Variants in TERB2 observed in about 807,000 individuals in gnomAD.
TERB2 encodes telomere repeat binding bouquet formation protein 2.
Under a neutral mutation model 29.8 loss-of-function variants are expected in TERB2, and 26 were observed. The observed-to-expected ratio is 0.87, with a 90% CI of 0.64 to 1.21. TERB2 has a LOEUF of 1.21. TERB2 is among the 50% of genes most tolerant of loss of function. The probability of loss-of-function intolerance (pLI) is 0.00; values close to 1 mark genes in which losing one functional copy is unlikely to be tolerated. For synonymous variants in TERB2, 80 were observed against 90.8 expected (o/e 0.88, Z 0.68); for missense variants, 240 against 268.6 (o/e 0.89, Z 0.74).
At chr15:44,968,186 T>C (rs1891915028) in intron 5 of TERB2, among the ~76,000 whole-genome samples, 1 of 150,640 alleles carries the variant, frequency 6.6e-6, no homozygotes, top group Non-Finnish European at 1.5e-5. Context: ...AATCCTAATT[T>C]CTCCCAAATC....
chr15:44,968,178 T>C (rs1459950734), intron 5 of TERB2, among the ~76,000 whole-genome samples: 1 of 150,170 alleles, frequency 6.7e-6, no homozygotes, highest in Non-Finnish European at 1.5e-5. Context: ...TAGTATAAAA[T>C]CCTAATTTCT....
At chr15:44,965,172 AAAAAAAAAAAAAAAAAGAAAAGG>A (rs1324714216) in intron 4 of TERB2, among the ~76,000 whole-genome samples, 1 of 144,534 alleles carries the variant, frequency 6.9e-6, no homozygotes, top group African/African-American at 2.6e-5. Flanking sequence ...CAAAAAAAAA[AAAAAAAAAAAAAAAAAGAAAAGG>A]AAAAAAAAGA....
intron 5 of TERB2, among the ~76,000 whole-genome samples, chr15:44,968,584 CTTTTTTTTTT>C (rs34188520): frequency 1.0e-4 from 10 of 98,488 alleles, no homozygotes; most frequent in African/African-American, 2.2e-4. Context: ...TTTGTTTAAC[CTTTTTTTTTT>C]TTTTTTTTTT....
At position 44,972,887 on chromosome 15, in the gene TERB2, G is replaced by T. The variant is rs974018807; in HGVS notation, c.435-980G>T. ...TAATTGTATAATTAGAACATCAATT[G>T]TTTTTTTTTTTTTGAGGTGGAGTCT... On this transcript the variant is annotated intron_variant, in intron 5 of 6. Transcript: ENST00000340827. Among the ~76,000 whole-genome samples, 15 of 141,198 alleles carry T rather than the reference G, an allele frequency of 1.1e-4. No homozygotes were observed. In the East Asian group the frequency reaches 1.9e-3, roughly 17 times the overall value. 92.6% of individuals were successfully genotyped at this position (141,198 alleles called of 152,430 possible). A position where few individuals can be genotyped will look rare whatever the true frequency, so the allele number is the denominator to read the frequency against.
chr15:44,966,837 G>A (rs1192315376), intron 5 of TERB2, among the ~76,000 whole-genome samples: 1 of 152,190 alleles, frequency 6.6e-6, no homozygotes, highest in Admixed American at 6.5e-5. Context: ...TGTGCCGCAT[G>A]CTTGTAATCT....
chr15:44,972,051 G>A (rs1313807283), intron 5 of TERB2, among the ~76,000 whole-genome samples: 5 of 144,180 alleles, frequency 3.5e-5, no homozygotes, highest in Admixed American at 2.9e-4. Flanking sequence ...GTGCAATGGC[G>A]CGATCTTGGC....
chr15:44,956,806 G>A (rs779817537), intron 1 of TERB2, 24 bp downstream of exon 1: 8 of 1,613,546 alleles, frequency 5.0e-6, no homozygotes, highest in South Asian at 4.4e-5. Flanking sequence ...TGGAAGCAGC[G>A]GGTTAGGTGG....
chr15:44,977,714 T>C (rs1468174921), intron 6 of TERB2, among the ~76,000 whole-genome samples: 1 of 152,344 alleles, frequency 6.6e-6, no homozygotes, highest in East Asian at 1.9e-4. Flanking sequence ...CCTGTTGATC[T>C]TGATGGTATG....
intron 3 of TERB2, among the ~76,000 whole-genome samples, chr15:44,959,827 G>C (rs1891774428): frequency 6.6e-6 from 1 of 152,186 alleles, no homozygotes; most frequent in Non-Finnish European, 1.5e-5. Context: ...CAGAAAGACA[G>C]ATTAAAGCTG....
At chr15:44,972,688 G>A (rs1317938717) in intron 5 of TERB2, among the ~76,000 whole-genome samples, 3 of 151,278 alleles carry the variant, frequency 2.0e-5, no homozygotes, top group Non-Finnish European at 2.9e-5. Flanking sequence ...GCTAATTTTT[G>A]TATTTTTAGT....
At chr15:44,964,943 C>T (rs1370761555) in intron 4 of TERB2, among the ~76,000 whole-genome samples, 2 of 151,754 alleles carry the variant, frequency 1.3e-5, no homozygotes, top group African/African-American at 4.8e-5. Flanking sequence ...GGGCCGATTG[C>T]CTGAGCTTGG....
At chr15:44,968,767 T>G (rs1410674120) in intron 5 of TERB2, among the ~76,000 whole-genome samples, 1 of 151,780 alleles carries the variant, frequency 6.6e-6, no homozygotes, top group Non-Finnish European at 1.5e-5. Context: ...ACACCTGGCC[T>G]AGAATTTGTT....
intron 5 of TERB2, among the ~76,000 whole-genome samples, chr15:44,966,599 T>C (rs990461206): frequency 6.6e-6 from 1 of 152,208 alleles, no homozygotes; most frequent in African/African-American, 2.4e-5. Flanking sequence ...ATGTATGTTA[T>C]GATAGCAGTT....
intron 4 of TERB2, among the ~76,000 whole-genome samples, chr15:44,965,162 C>CAAAAAAAAAAAAAAA (rs66756472): frequency 2.0e-5 from 1 of 48,814 alleles, no homozygotes; most frequent in Non-Finnish European, 3.3e-5. Flanking sequence ...GACTCTGTCT[C>CAAAAAAAAAAAAAAA]AAAAAAAAAA....
rs377093027 is a variant in TERB2 at position 44,964,334 on chromosome 15, T to C, written c.349-1824T>C. On this transcript the variant is annotated intron_variant, in intron 4 of 6. Transcript: ENST00000340827. ...CCAAGGCATCATCATCTGAAAATAA[T>C]AGTTCTTTCAGTTTTTTTTTCTAGG... 3.3e-4 allele frequency among the ~76,000 whole-genome samples: 51 copies of C among 152,348 alleles called. 1 individual carries two copies. The highest frequency in any genetic ancestry group is 1.2e-3 in the African/African-American group (49 of 41,586).
chr15:44,970,789 T>G (rs553186420), intron 5 of TERB2: 1 of 158,154 alleles, frequency 6.3e-6, no homozygotes, highest in South Asian at 1.8e-4. Flanking sequence ...AGAGTTCTAC[T>G]TCTTTAGATT....
intron 5 of TERB2, among the ~76,000 whole-genome samples, chr15:44,967,059 A>C (rs1369683207): frequency 6.6e-6 from 1 of 152,212 alleles, no homozygotes. Flanking sequence ...TGATCACGCC[A>C]CTGCACTCTA....
intron 5 of TERB2, chr15:44,973,659 T>C (rs1450499995): frequency 3.9e-6 from 1 of 258,046 alleles, no homozygotes; most frequent in South Asian, 1.5e-4. Flanking sequence ...ATTCTATATA[T>C]TTTTAAAAAA....
chr15:44,961,191 G>GATAT (rs34640759), intron 3 of TERB2, among the ~76,000 whole-genome samples: 1,509 of 136,400 alleles, frequency 0.011, 15 homozygotes, highest in African/African-American at 0.031. Context: ...ATACCTCAAT[G>GATAT]ATATATATAT....
Sources: allele counts gnomAD v4.1 joint callset (sites outside exome capture counted in the v4.1 genomes callset), GRCh38; gene constraint gnomAD v4.1.1; transcripts MANE v1.5; gene names NCBI Gene and HGNC (gene_info 2026-07-23, HGNC 2026-07-21).